The following PAPSS2 variants were observed in gnomAD, a reference collection of about 807,000 sequenced individuals.
The protein encoded by PAPSS2 is 3'-phosphoadenosine 5'-phosphosulfate synthase 2, also known as bifunctional 3'-phosphoadenosine 5'-phosphosulfate synthase 2.
In PAPSS2, 61 loss-of-function variants were observed where a neutral mutation model predicts 66.5. That is an observed-to-expected ratio of 0.92 (90% confidence interval 0.75 to 1.14). PAPSS2 has a LOEUF of 1.14. Among genes scored for constraint, PAPSS2 ranks in the 50% most tolerant of loss-of-function variants. The probability of loss-of-function intolerance (pLI) is 0.00; values close to 1 mark genes in which losing one functional copy is unlikely to be tolerated. For missense variants in PAPSS2, 708 were observed against 789.6 expected (o/e 0.90, Z 1.24); for synonymous variants, 289 against 287.5 (o/e 1.01, Z -0.05).
intron 1 of PAPSS2, among the ~76,000 whole-genome samples, chr10:87,664,299 A>G (rs1263845635): frequency 1.3e-5 from 2 of 152,216 alleles, no homozygotes; most frequent in Admixed American, 6.5e-5. Flanking sequence ...GATAGGCTGG[A>G]TAGAAGACAC....
chr10:87,706,568 G>T (rs1853392754), intron 1 of PAPSS2, among the ~76,000 whole-genome samples: 1 of 146,970 alleles, frequency 6.8e-6, no homozygotes, highest in African/African-American at 2.6e-5. Flanking sequence ...ATCAGCCTGG[G>T]CAACAAGGTG....
intron 9 of PAPSS2, among the ~76,000 whole-genome samples, chr10:87,729,242 T>C (rs1772441882): frequency 6.6e-6 from 1 of 152,048 alleles, no homozygotes; most frequent in African/African-American, 2.4e-5. Flanking sequence ...TTTTCTTTTT[T>C]TTTTTTAACA....
chr10:87,742,050 C>T (rs868399311), intron 10 of PAPSS2, among the ~76,000 whole-genome samples: 2 of 152,140 alleles, frequency 1.3e-5, no homozygotes, highest in South Asian at 2.1e-4. Context: ...GAGCCACCAT[C>T]ATGCCTGGCT....
chr10:87,700,477 C>T (rs1853288983), intron 1 of PAPSS2, among the ~76,000 whole-genome samples: 1 of 151,902 alleles, frequency 6.6e-6, no homozygotes, highest in African/African-American at 2.4e-5. Flanking sequence ...GGTAATGTGG[C>T]AGTTGCTCTA....
rs766402310 is a variant in PAPSS2, at chr10:87,727,409, G to A, written c.1006G>A (p.Ala336Thr). ...ACGGAGGGTAGCTATCTTACGAGAC[G>A]CTGAATTCTATGAACACAGAAAAGA... ...GGRRVAILRD[A>T]EFYEHRKEER... is the part of the protein sequence containing the mutation. The change falls in exon 9 of 13, where the codon GCT becomes ACT. Residue 336 changes from alanine to threonine, a missense_variant. Coordinates refer to ENST00000456849, the MANE Select transcript of PAPSS2 (RefSeq NM_001015880.2). 43 of 1,613,960 alleles carry A rather than the reference G, an allele frequency of 2.7e-5. No individual in the cohort carries two copies. The South Asian group carries it at 3.0e-4, about 11-fold the overall frequency.
intron 1 of PAPSS2, among the ~76,000 whole-genome samples, chr10:87,675,257 T>G (rs931431736): frequency 6.6e-6 from 1 of 152,244 alleles, no homozygotes; most frequent in African/African-American, 2.4e-5. Context: ...TATGAAATCA[T>G]TCTCTTGGTT....
At chr10:87,660,092 C>A in intron 1 of PAPSS2, 84 bp downstream of exon 1, 1 of 1,391,770 alleles carries the variant, frequency 7.2e-7, no homozygotes, top group Non-Finnish European at 1.0e-6. Flanking sequence ...GCACTTGGGT[C>A]CCACCCTCCC....
intron 1 of PAPSS2, among the ~76,000 whole-genome samples, chr10:87,677,562 A>G (rs976036084): frequency 1.4e-4 from 21 of 152,224 alleles, no homozygotes; most frequent in Non-Finnish European, 2.4e-4. Context: ...AGAGGAGTCA[A>G]TTCTACAGCA....
At chr10:87,670,452 C>T (rs1006322063) in intron 1 of PAPSS2, among the ~76,000 whole-genome samples, 5 of 152,164 alleles carry the variant, frequency 3.3e-5, no homozygotes, top group Non-Finnish European at 5.9e-5. Context: ...GGAGCGTTGT[C>T]TCCTTCTAAC....
chr10:87,720,040 G>A (rs1422814731), intron 7 of PAPSS2, among the ~76,000 whole-genome samples: 6 of 151,794 alleles, frequency 4.0e-5, no homozygotes, highest in South Asian at 2.1e-4. Flanking sequence ...CGCTTGCCAC[G>A]AAGCCCAGGA....
intron 1 of PAPSS2, among the ~76,000 whole-genome samples, chr10:87,673,388 G>T (rs893032602): frequency 6.6e-6 from 1 of 151,934 alleles, no homozygotes; most frequent in Non-Finnish European, 1.5e-5. Flanking sequence ...TTGTACTCCT[G>T]GCCTCAAGCG....
intron 9 of PAPSS2, among the ~76,000 whole-genome samples, chr10:87,740,376 C>A (rs1161994485): frequency 6.6e-6 from 1 of 152,178 alleles, no homozygotes; most frequent in African/African-American, 2.4e-5. Context: ...GGAAGACTTA[C>A]AAACTCAGTG....
chr10:87,702,536 C>T (rs961035419), intron 1 of PAPSS2, among the ~76,000 whole-genome samples: 5 of 152,036 alleles, frequency 3.3e-5, no homozygotes, highest in South Asian at 2.1e-4. Context: ...CACTGAGGAG[C>T]GGGAAGATTT....
intron 1 of PAPSS2, chr10:87,703,663 G>GA (rs142170506): frequency 0.022 from 11,171 of 509,184 alleles, 181 homozygotes; most frequent in African/African-American, 0.043. Context: ...AATCAGCCGT[G>GA]AAGCAGGTTT....
Position 87,687,913 on chromosome 10 carries a change from G to A in PAPSS2, c.28-21283G>A, listed in dbSNP as rs1001289201. On this transcript the variant is annotated intron_variant, in intron 1 of 12. Coordinates refer to ENST00000456849, the MANE Select transcript of PAPSS2 (RefSeq NM_001015880.2). ...AACCATAGTTTTATCTGGATTTGATGTAATTTTTTAAATGATTTGATTTAG... is the reference window on the plus strand; with the variant it reads ...AACCATAGTTTTATCTGGATTTGATATAATTTTTTAAATGATTTGATTTAG... 7.9e-5 allele frequency among the ~76,000 whole-genome samples: 12 copies of A among 152,302 alleles called. No individual in the cohort carries two copies. In the East Asian group the frequency reaches 2.3e-3, roughly 29 times the overall value.
chr10:87,726,805 A>G (rs1235967133), intron 8 of PAPSS2, among the ~76,000 whole-genome samples: 1 of 152,204 alleles, frequency 6.6e-6, no homozygotes, highest in African/African-American at 2.4e-5. Flanking sequence ...AATTCAGTGT[A>G]TTGGTATGCA....
intron 1 of PAPSS2, among the ~76,000 whole-genome samples, chr10:87,700,872 G>C (rs926628320): frequency 6.6e-6 from 1 of 151,820 alleles, no homozygotes; most frequent in Non-Finnish European, 1.5e-5. Context: ...TGGATGTAAT[G>C]ATGGAAAAGA....
intron 1 of PAPSS2, among the ~76,000 whole-genome samples, chr10:87,700,855 A>G (rs1292355518): frequency 1.3e-5 from 2 of 151,982 alleles, no homozygotes; most frequent in Non-Finnish European, 2.9e-5. Context: ...AATATATTTG[A>G]GATTGCTGGA....
intron 1 of PAPSS2, among the ~76,000 whole-genome samples, chr10:87,683,495 A>C (rs1419630341): frequency 2.0e-5 from 3 of 152,192 alleles, no homozygotes; most frequent in Non-Finnish European, 4.4e-5. Flanking sequence ...CCTCTATTCT[A>C]TCACCTGACA....
Sources: gnomAD v4.1 joint callset for allele counts (sites outside exome capture counted in the v4.1 genomes callset) on GRCh38, gnomAD v4.1.1 for gene constraint, MANE v1.5 for transcripts, NCBI Gene and HGNC (gene_info 2026-07-23, HGNC 2026-07-21) for gene names.